MGRN1: variants seen among roughly 807,000 people sequenced by gnomAD.
MGRN1 encodes the protein E3 ubiquitin-protein ligase MGRN1.
A neutral mutation model predicts 69.2 loss-of-function variants in MGRN1; 29 were observed. That is an observed-to-expected ratio of 0.42 (90% CI 0.31 to 0.57). MGRN1 has a LOEUF of 0.57. Ranked by LOEUF, MGRN1 falls within the 20% of genes least tolerant of loss-of-function variation. The pLI is 0.15. For missense variants in MGRN1, 998 were observed against 796.2 expected (o/e 1.25, Z -3.05); for synonymous variants, 470 against 344.2 (o/e 1.37, Z -4.04).
At chr16:4,643,951 C>G (rs1314553722) in intron 1 of MGRN1, among the ~76,000 whole-genome samples, 1 of 151,622 alleles carries the variant, frequency 6.6e-6, no homozygotes, top group Non-Finnish European at 1.5e-5. Flanking sequence ...AAAATGATTT[C>G]AGCCTCAATG....
rs777513528 is a variant in MGRN1 at position 4,681,723 on chromosome 16, C to T, written c.1305C>T (p.His435=). The T allele has an allele frequency of 1.9e-6, 3 of 1,613,044 alleles. No homozygotes were observed. The highest frequency in any genetic ancestry group is 2.7e-5 in the African/African-American group (2 of 75,084). The change falls in exon 13 of 17, where the codon CAC becomes CAT. Residue 435 remains histidine, a synonymous_variant. Transcript: ENST00000262370. ...GCTGTCCCCTCGCGGCTATCGACCA[C>T]ATCCTGGACAGCAGCCGCCAGAAGG... ...QASCPLAAID[H]ILDSSRQKGR...
chr16:4,663,655 G>A (rs1329567794), intron 5 of MGRN1, among the ~76,000 whole-genome samples: 2 of 152,212 alleles, frequency 1.3e-5, no homozygotes, highest in South Asian at 4.1e-4. Flanking sequence ...GAGCCTGATG[G>A]TGGCCGGTGG....
intron 10 of MGRN1, among the ~76,000 whole-genome samples, chr16:4,675,300 A>C (rs1158467478): frequency 1.3e-5 from 2 of 152,096 alleles, no homozygotes; most frequent in African/African-American, 2.4e-5. Context: ...TTGTAGAGAC[A>C]GGGTCTTGCT....
Position 4,644,341 on chromosome 16 carries a change from C to T in MGRN1, c.89-6024C>T, listed in dbSNP as rs188548937. 4.1e-3 allele frequency among the ~76,000 whole-genome samples: 513 copies of T among 125,938 alleles called. 3 individuals are homozygous for T. The highest frequency in any genetic ancestry group is 0.019 in the Middle Eastern group (3 of 154). 82.6% of individuals were successfully genotyped at this position (125,938 alleles called of 152,430 possible). A position where few individuals can be genotyped will look rare whatever the true frequency, so the allele number is the denominator to read the frequency against. On this transcript the variant is annotated intron_variant, in intron 1 of 16. Coordinates refer to ENST00000262370, the MANE Select transcript of MGRN1 (RefSeq NM_015246.4). ...TTTTTTTTTTTGATGGAGTTTCACT[C>T]TTGTTGTCCAGGCTGGAGTGGACAG...
intron 1 of MGRN1, among the ~76,000 whole-genome samples, chr16:4,644,305 G>GTTTTTTT (rs79613493): frequency 9.3e-6 from 1 of 107,604 alleles, no homozygotes; most frequent in African/African-American, 3.8e-5. Flanking sequence ...TCAATTACCA[G>GTTTTTTT]TTTTTTTTTT....
At chr16:4,639,397 G>T (rs560760717) in intron 1 of MGRN1, among the ~76,000 whole-genome samples, 98 of 152,246 alleles carry the variant, frequency 6.4e-4, no homozygotes, top group Non-Finnish European at 1.2e-3. Context: ...GGTGGGCAGG[G>T]CATGTGGAAT....
chr16:4,660,144 G>T (rs1031533018), intron 5 of MGRN1, among the ~76,000 whole-genome samples: 1 of 152,256 alleles, frequency 6.6e-6, no homozygotes, highest in African/African-American at 2.4e-5. Context: ...GGCTGCACTG[G>T]CCTTGCCCAG....
Position 4,624,926 on chromosome 16 carries a change from G to T in MGRN1, c.-35G>T. 3 of 1,500,396 alleles carry T rather than the reference G, an allele frequency of 2.0e-6. No individual in the cohort carries two copies. Among genetic ancestry groups the T allele is most frequent in the Non-Finnish European group, 2.7e-6 (3 of 1,123,636 alleles). The allele number at this position is 1,500,396 out of a possible 1,614,324, so 92.9% of individuals were successfully genotyped here. A position where few individuals can be genotyped will look rare whatever the true frequency, so the allele number is the denominator to read the frequency against. ...CCGCCGCTGTCGCCGCTCCCGTTCC[G>T]GCCCTGGCCCCTCTGCCCGGCAGCG... On this transcript the variant is annotated 5_prime_UTR_variant, in exon 1 of 17. Coordinates refer to ENST00000262370, the MANE Select transcript of MGRN1 (RefSeq NM_015246.4).
chr16:4,640,829 A>T (rs546819759), intron 1 of MGRN1, among the ~76,000 whole-genome samples: 2 of 152,294 alleles, frequency 1.3e-5, no homozygotes, highest in East Asian at 3.9e-4. Flanking sequence ...GGTGCCCAGC[A>T]CAGAGACTGA....
intron 1 of MGRN1, among the ~76,000 whole-genome samples, chr16:4,636,722 C>G (rs546132184): frequency 6.6e-6 from 1 of 152,148 alleles, no homozygotes; most frequent in Admixed American, 6.5e-5. Context: ...TCTCATTGTA[C>G]TTTTCCCTGA....
intron 11 of MGRN1, among the ~76,000 whole-genome samples, chr16:4,679,557 G>C (rs769366518): frequency 2.0e-5 from 3 of 152,102 alleles, no homozygotes; most frequent in African/African-American, 7.2e-5. Flanking sequence ...TGGGGTGGGT[G>C]GGTCTGGGGC....
intron 1 of MGRN1, among the ~76,000 whole-genome samples, chr16:4,638,265 G>A (rs998966331): frequency 6.6e-6 from 1 of 152,112 alleles, no homozygotes; most frequent in African/African-American, 2.4e-5. Flanking sequence ...AGGAGTTTGA[G>A]ACCAGCCTGA....
chr16:4,657,848 G>C (rs113677885), intron 5 of MGRN1, among the ~76,000 whole-genome samples: 18,829 of 143,820 alleles, frequency 0.13, 2,907 homozygotes, highest in African/African-American at 0.38. Flanking sequence ...TGGGTTCACA[G>C]CATTCTGCCT....
Position 4,668,258 on chromosome 16 carries a change from C to T in MGRN1, c.679-7C>T. On this transcript the variant is annotated splice_region_variant and splice_polypyrimidine_tract_variant and intron_variant, in intron 7 of 16. Coordinates refer to ENST00000262370, the MANE Select transcript of MGRN1 (RefSeq NM_015246.4). ...CACCTTAACCTCTTTGTCTTTCTCC[C>T]CTGCAGCACATGGACGGCAGCTTCT... The T allele has an allele frequency of 6.2e-7, 1 of 1,613,914 alleles. No individual in the cohort carries two copies. The highest frequency in any genetic ancestry group is 8.5e-7 in the Non-Finnish European group (1 of 1,179,894).
intron 1 of MGRN1, among the ~76,000 whole-genome samples, chr16:4,628,107 G>C (rs1438315827): frequency 1.9e-4 from 27 of 140,990 alleles, no homozygotes; most frequent in Admixed American, 4.2e-4. Flanking sequence ...AGAATTGTGG[G>C]TGGGTGCGGT....
At position 4,669,879 on chromosome 16, in the gene MGRN1, G is replaced by A. The variant is rs980205594; in HGVS notation, c.727-1512G>A. On this transcript the variant is annotated intron_variant, in intron 8 of 16. Coordinates refer to ENST00000262370, the MANE Select transcript of MGRN1 (RefSeq NM_015246.4). ...CCTGGTGGCCTCACAAGTAGGCACC[G>A]AGAATTTAGAGGATGGGGTGCCCTA... Among the ~76,000 whole-genome samples, 5 of 152,184 alleles carry A rather than the reference G, an allele frequency of 3.3e-5. No individual in the cohort carries two copies. The East Asian group carries it at 9.7e-4, about 29-fold the overall frequency.
rs932830314 is a variant in MGRN1 at position 4,689,137 on chromosome 16, T to C, written c.*229T>C. The C allele has an allele frequency of 1.1e-5, 6 of 565,390 alleles. No individual in the cohort carries two copies. The highest frequency in any genetic ancestry group is 1.7e-5 in the Non-Finnish European group (6 of 353,124). 35.0% of individuals were successfully genotyped at this position (565,390 alleles called of 1,614,324 possible). A position where few individuals can be genotyped will look rare whatever the true frequency, so the allele number is the denominator to read the frequency against. On this transcript the variant is annotated 3_prime_UTR_variant, in exon 17 of 17. Coordinates refer to ENST00000262370, the MANE Select transcript of MGRN1 (RefSeq NM_015246.4). Reference sequence around the variant, plus strand: ...CTGGTACAAGATGAAGGACAGCAGCTTTCCATCCCTAGTTCAGAGCCCCCG... The same window carrying C: ...CTGGTACAAGATGAAGGACAGCAGCCTTCCATCCCTAGTTCAGAGCCCCCG...
chr16:4,670,195 T>C (rs1163474354), intron 8 of MGRN1, among the ~76,000 whole-genome samples: 2 of 152,104 alleles, frequency 1.3e-5, no homozygotes, highest in South Asian at 2.1e-4. Context: ...CCCAAGTAGC[T>C]GGGACTGCAG....
chr16:4,644,277 C>T (rs60953586), intron 1 of MGRN1, among the ~76,000 whole-genome samples: 5,734 of 151,058 alleles, frequency 0.038, 377 homozygotes, highest in African/African-American at 0.13. Flanking sequence ...CAGGTGTTAG[C>T]CACCGTGCTT....
Sources: allele counts gnomAD v4.1 joint callset (sites outside exome capture counted in the v4.1 genomes callset), GRCh38; gene constraint gnomAD v4.1.1; transcripts MANE v1.5; gene names NCBI Gene and HGNC (gene_info 2026-07-23, HGNC 2026-07-21).